The following TAFA2 variants were observed in gnomAD, a reference collection of about 807,000 sequenced individuals.
TAFA2 encodes the protein TAFA chemokine like family member 2, also known as chemokine-like protein TAFA-2.
TAFA2 carries 7 observed loss-of-function variants against 18.8 expected under a neutral mutation model. The ratio of observed to expected loss-of-function variants is 0.37; its 90% CI spans 0.21 to 0.70. The LOEUF (loss-of-function observed/expected upper bound fraction) is 0.70. Ranked by LOEUF, TAFA2 falls within the 30% of genes least tolerant of loss-of-function variation. The pLI is 0.53. For synonymous variants in TAFA2, 60 were observed against 54.2 expected (o/e 1.11, Z -0.47); for missense variants, 122 against 158.1 (o/e 0.77, Z 1.23).
At chr12:61,835,798 T>G (rs1872896212) in intron 2 of TAFA2, among the ~76,000 whole-genome samples, 1 of 151,954 alleles carries the variant, frequency 6.6e-6, no homozygotes, top group Admixed American at 6.6e-5. Context: ...AAACATTTTG[T>G]TCCTTCCTTC....
At chr12:62,090,147 C>A (rs1235240711) in intron 1 of TAFA2, among the ~76,000 whole-genome samples, 1 of 152,022 alleles carries the variant, frequency 6.6e-6, no homozygotes. Flanking sequence ...CAGATCTTGG[C>A]TTTTCCAGTG....
At chr12:61,860,615 TCTCTGC>T (rs1397383972) in intron 2 of TAFA2, among the ~76,000 whole-genome samples, 2 of 137,030 alleles carry the variant, frequency 1.5e-5, no homozygotes, top group South Asian at 2.6e-4. Flanking sequence ...TGCTCTTTGC[TCTCTGC>T]TCTCCAGTCA....
At chr12:62,004,317 C>T (rs558449512) in intron 1 of TAFA2, among the ~76,000 whole-genome samples, 1 of 152,112 alleles carries the variant, frequency 6.6e-6, no homozygotes, top group African/African-American at 2.4e-5. Context: ...CAAAGCATGG[C>T]TTTCTTTGTC....
At chr12:61,955,636 TATATATATATATATATATATATATA>T (rs1878661069) in intron 1 of TAFA2, among the ~76,000 whole-genome samples, 1 of 12,828 alleles carries the variant, frequency 7.8e-5, no homozygotes. Flanking sequence ...AAAAAAAATA[TATATATATATATATATATATATATA>T]TATATATATT....
At chr12:61,744,200 C>A (rs1453309805) in intron 4 of TAFA2, among the ~76,000 whole-genome samples, 1 of 152,098 alleles carries the variant, frequency 6.6e-6, no homozygotes, top group Non-Finnish European at 1.5e-5. Context: ...ATGTACCTTG[C>A]AGTTGTAAAT....
chr12:61,809,987 T>A (rs1871797969), intron 2 of TAFA2, among the ~76,000 whole-genome samples: 1 of 151,318 alleles, frequency 6.6e-6, no homozygotes, highest in Non-Finnish European at 1.5e-5. Context: ...TGACCACCCC[T>A]CCACATCTGC....
intron 1 of TAFA2, among the ~76,000 whole-genome samples, chr12:62,206,596 C>T (rs1400566314): frequency 6.6e-6 from 1 of 152,046 alleles, no homozygotes; most frequent in Non-Finnish European, 1.5e-5. Flanking sequence ...GGCACAATCA[C>T]AGCTCATTGC....
intron 1 of TAFA2, among the ~76,000 whole-genome samples, chr12:62,119,391 C>G (rs1183217575): frequency 6.6e-6 from 1 of 152,144 alleles, no homozygotes. Flanking sequence ...CCCGAAGCAT[C>G]CCCAATCGTC....
intron 2 of TAFA2, among the ~76,000 whole-genome samples, chr12:61,816,395 TACC>T (rs971304810): frequency 5.3e-5 from 8 of 151,550 alleles, no homozygotes; most frequent in Non-Finnish European, 1.2e-4. Flanking sequence ...GGTGTATATG[TACC>T]ACATTTTCTT....
intron 1 of TAFA2, among the ~76,000 whole-genome samples, chr12:61,981,519 G>A (rs554971498): frequency 2.6e-5 from 4 of 152,270 alleles, no homozygotes; most frequent in South Asian, 2.1e-4. Flanking sequence ...ACAGTGAACA[G>A]GGAACCAACA....
At chr12:62,068,851 T>C (rs911805800) in intron 1 of TAFA2, among the ~76,000 whole-genome samples, 1 of 152,120 alleles carries the variant, frequency 6.6e-6, no homozygotes, top group African/African-American at 2.4e-5. Context: ...TAGACAATCA[T>C]TTAAAAGTAG....
At chr12:61,919,746 G>A (rs1180779771) in intron 1 of TAFA2, among the ~76,000 whole-genome samples, 1 of 150,712 alleles carries the variant, frequency 6.6e-6, no homozygotes, top group African/African-American at 2.4e-5. Context: ...TGTATTTTTA[G>A]TTTAATTGTA....
intron 1 of TAFA2, among the ~76,000 whole-genome samples, chr12:62,059,139 A>ATGTGTGTGTGTGTGTG (rs374882700): frequency 0.067 from 9,170 of 136,116 alleles, 395 homozygotes; most frequent in Admixed American, 0.13. Flanking sequence ...ATGTGTGTAT[A>ATGTGTGTGTGTGTGTG]TGTGTGTGTG....
chr12:61,763,884 A>G (rs1274055316), intron 2 of TAFA2, among the ~76,000 whole-genome samples: 2 of 151,934 alleles, frequency 1.3e-5, no homozygotes. Context: ...GAATTCCTGA[A>G]AACATTTTCC....
In TAFA2 at chr12:61,927,108, CA is replaced by C. The variant is rs771277835; in HGVS notation, c.-1-59683del. Among the ~76,000 whole-genome samples the C allele has an allele frequency of 3.0e-4, 42 of 140,156 alleles. 1 individual carries two copies. The East Asian group carries it at 7.1e-3, about 24-fold the overall frequency. 91.9% of individuals were successfully genotyped at this position (140,156 alleles called of 152,430 possible). A position where few individuals can be genotyped will look rare whatever the true frequency, so the allele number is the denominator to read the frequency against. On this transcript the variant is annotated intron_variant, in intron 1 of 4. Coordinates refer to ENST00000416284, the MANE Select transcript of TAFA2 (RefSeq NM_178539.5). ...AAAAAAAAAAAATACAGGCACAAGA[CA>C]AGGATGCCCTCTTTCACCACTCCTA...
chr12:61,999,955 G>C (rs1017254552), intron 1 of TAFA2, among the ~76,000 whole-genome samples: 2 of 152,124 alleles, frequency 1.3e-5, no homozygotes, highest in Non-Finnish European at 2.9e-5. Context: ...ATATAGGAGA[G>C]CTTTCTCAGA....
chr12:62,130,612 C>G (rs1309522496), intron 1 of TAFA2, among the ~76,000 whole-genome samples: 1 of 151,868 alleles, frequency 6.6e-6, no homozygotes, highest in Non-Finnish European at 1.5e-5. Context: ...TGGACATTTC[C>G]TGAGTACCTA....
At chr12:61,764,105 A>G (rs1445828572) in intron 2 of TAFA2, among the ~76,000 whole-genome samples, 3 of 152,060 alleles carry the variant, frequency 2.0e-5, no homozygotes, top group Non-Finnish European at 2.9e-5. Context: ...TCCAGGAAAC[A>G]TAATCTAACA....
chr12:62,104,711 C>T (rs1260486146), intron 1 of TAFA2: 3 of 455,524 alleles, frequency 6.6e-6, no homozygotes, highest in East Asian at 7.0e-5. Context: ...CTTGATGGTA[C>T]AATTTGTCAT....
Sources: allele counts gnomAD v4.1 joint callset (sites outside exome capture counted in the v4.1 genomes callset), GRCh38; gene constraint gnomAD v4.1.1; transcripts MANE v1.5; gene names NCBI Gene and HGNC (gene_info 2026-07-23, HGNC 2026-07-21).